The following SORBS2 variants were observed in gnomAD, a reference collection of about 807,000 sequenced individuals.
SORBS2 encodes sorbin and SH3 domain-containing protein 2.
Under a neutral mutation model 97.7 loss-of-function variants are expected in SORBS2, and 46 were observed. The observed-to-expected ratio is 0.47, with a 90% CI of 0.37 to 0.60. SORBS2 has a LOEUF of 0.60. Among genes scored for constraint, SORBS2 ranks in the 20% least tolerant of loss-of-function variants. The pLI, the probability that SORBS2 is intolerant of heterozygous loss-of-function variation, is 0.00. For synonymous variants in SORBS2, 476 were observed against 473.4 expected, an observed-to-expected ratio of 1.01 and a Z score of -0.07; for missense variants, 1,316 against 1,282.3, an observed-to-expected ratio of 1.03 and a Z score of -0.40.
At chr4:185,714,031 C>A (rs1174029500) in intron 2 of SORBS2, among the ~76,000 whole-genome samples, 1 of 152,194 alleles carries the variant, frequency 6.6e-6, no homozygotes, top group African/African-American at 2.4e-5. Flanking sequence ...CAGCTACCCA[C>A]CTATCCTTAA....
Position 185,845,857 on chromosome 4 carries a change from A to T in SORBS2, c.-337-70491T>A, listed in dbSNP as rs551009275. On this transcript the variant is annotated intron_variant, in intron 1 of 20. Coordinates refer to the SORBS2 transcript ENST00000284776. ...TAGGAAAATGCAAATGAAAACTATT[A>T]CACACCTTTCAACTGGCCAAAATAT... 4.9e-3 allele frequency among the ~76,000 whole-genome samples: 751 copies of T among 152,338 alleles called. 6 individuals are homozygous for T. Among genetic ancestry groups the T allele is most frequent in the African/African-American group, 0.017 (712 of 41,572 alleles).
chr4:185,919,363 A>T (rs1333760498), intron 1 of SORBS2: 5 of 152,184 alleles, frequency 3.3e-5, no homozygotes, highest in Non-Finnish European at 7.3e-5. Context: ...GTGCTGTGGG[A>T]TGAAACCAGG....
chr4:185,905,294 A>G (rs1185242873), intron 1 of SORBS2, among the ~76,000 whole-genome samples: 2 of 152,190 alleles, frequency 1.3e-5, no homozygotes, highest in Non-Finnish European at 2.9e-5. Context: ...AACATATACA[A>G]TACATGTAAA....
intron 1 of SORBS2, among the ~76,000 whole-genome samples, chr4:185,846,922 TA>T (rs1328155665): frequency 6.6e-6 from 1 of 152,066 alleles, no homozygotes; most frequent in Non-Finnish European, 1.5e-5. Context: ...ATTTGTCAAA[TA>T]AAAACTAGGG....
intron 1 of SORBS2, among the ~76,000 whole-genome samples, chr4:185,932,776 T>C (rs895551596): frequency 6.6e-6 from 1 of 152,230 alleles, no homozygotes; most frequent in Non-Finnish European, 1.5e-5. Flanking sequence ...TCCTTCTCTA[T>C]GACTTACCCT....
chr4:185,728,165 A>T (rs954159533), intron 2 of SORBS2, among the ~76,000 whole-genome samples: 2 of 152,066 alleles, frequency 1.3e-5, no homozygotes, highest in Non-Finnish European at 2.9e-5. Flanking sequence ...TCTCCCTTCC[A>T]TTATGGAGCC....
chr4:185,665,541 G>A (rs1403889274), intron 4 of SORBS2, among the ~76,000 whole-genome samples: 1 of 152,252 alleles, frequency 6.6e-6, no homozygotes, highest in African/African-American at 2.4e-5. Flanking sequence ...TAAAATGAAT[G>A]AAGAGAATGA....
At chr4:185,817,006 G>A (rs1009343886) in intron 1 of SORBS2, among the ~76,000 whole-genome samples, 2 of 152,196 alleles carry the variant, frequency 1.3e-5, no homozygotes, top group African/African-American at 4.8e-5. Flanking sequence ...GGTACAGGAA[G>A]AAGTTTCAGC....
Position 185,607,387 on chromosome 4 carries a change from T to C in SORBS2, c.2796+4393A>G, listed in dbSNP as rs904603722. The stretch of plus-strand genomic sequence containing the variant: ...CACGGATTATGAAGTTAAGAAAAAA[T>C]AAACTAAGAAAATAATAATAATGCA... On this transcript the variant is annotated intron_variant, in intron 12 of 14. Coordinates refer to ENST00000418609, the Ensembl canonical transcript of SORBS2. The surrounding 1 kb of genome is among the most constrained non-coding windows in gnomAD (Gnocchi z 5.2). The C allele has an allele frequency of 2.7e-6, 3 of 1,110,046 alleles. No individual in the cohort carries two copies. In the South Asian group the frequency reaches 3.9e-5, roughly 14 times the overall value. The allele number at this position is 1,110,046 out of a possible 1,614,324, so 68.8% of individuals were successfully genotyped here. A position where few individuals can be genotyped will look rare whatever the true frequency, so the allele number is the denominator to read the frequency against.
chr4:185,743,829 C>A lies in SORBS2; in HGVS notation c.-198+31398G>T, dbSNP rs570565266. Reference sequence around the variant, plus strand: ...CTCCTCCTTCTTCCTCTTCTTCTATCTTCTTTCCTCCTCCTCCTCCTTCTA... The same window carrying A: ...CTCCTCCTTCTTCCTCTTCTTCTATATTCTTTCCTCCTCCTCCTCCTTCTA... On this transcript the variant is annotated intron_variant, in intron 2 of 20. Coordinates refer to the SORBS2 transcript ENST00000284776. Among the ~76,000 whole-genome samples, 8 of 150,156 alleles carry A rather than the reference C, an allele frequency of 5.3e-5. No individual in the cohort carries two copies. The South Asian group carries it at 1.7e-3, about 32-fold the overall frequency.
chr4:185,752,511 T>C (rs1164961343), intron 2 of SORBS2, among the ~76,000 whole-genome samples: 3 of 152,178 alleles, frequency 2.0e-5, no homozygotes, highest in South Asian at 2.1e-4. Flanking sequence ...CTCCTGACCT[T>C]GTGATCTGCC....
chr4:185,653,350 T>C (rs1021733185), intron 1 of SORBS2, among the ~76,000 whole-genome samples: 9 of 152,226 alleles, frequency 5.9e-5, no homozygotes, highest in African/African-American at 1.7e-4. Context: ...CGGCTAAAAT[T>C]GTAGGTTCCT....
intron 2 of SORBS2, among the ~76,000 whole-genome samples, chr4:185,688,359 T>A (rs4359952): frequency 0.67 from 102,477 of 151,862 alleles, 34,932 homozygotes; most frequent in Admixed American, 0.77. Flanking sequence ...TAGATATATC[T>A]ATCAATAAAG....
chr4:185,709,091 C>T (rs888523033), intron 2 of SORBS2, among the ~76,000 whole-genome samples: 9 of 152,144 alleles, frequency 5.9e-5, no homozygotes, highest in African/African-American at 2.2e-4. Context: ...GATCTCTGCT[C>T]ACTGCAACCT....
At chr4:185,898,110 T>C (rs536136585) in intron 1 of SORBS2, among the ~76,000 whole-genome samples, 23 of 152,332 alleles carry the variant, frequency 1.5e-4, no homozygotes, top group Non-Finnish European at 2.9e-4. Flanking sequence ...AAAGTGACTA[T>C]AATCCAACCA....
intron 2 of SORBS2, among the ~76,000 whole-genome samples, chr4:185,717,902 G>A (rs80258371): frequency 0.011 from 1,656 of 152,238 alleles, 36 homozygotes; most frequent in African/African-American, 0.038. Context: ...ACCGAAATAC[G>A]TTACAGTAAG....
At chr4:185,644,039 G>A (rs954159774) in intron 4 of SORBS2, among the ~76,000 whole-genome samples, 10 of 152,130 alleles carry the variant, frequency 6.6e-5, no homozygotes, top group African/African-American at 7.2e-5. Flanking sequence ...CAATTGAAAC[G>A]AAGTCAGGAC....
chr4:185,898,209 G>T, intron 1 of SORBS2, among the ~76,000 whole-genome samples: 1 of 152,116 alleles, frequency 6.6e-6, no homozygotes, highest in East Asian at 1.9e-4. Flanking sequence ...AAGCTGAAAG[G>T]GCAAGATTGT....
At chr4:185,622,495 C>T (rs112552531) in intron 7 of SORBS2, among the ~76,000 whole-genome samples, 3 of 152,106 alleles carry the variant, frequency 2.0e-5, no homozygotes, top group Admixed American at 6.6e-5. Flanking sequence ...TAGAATGTGA[C>T]AAATTATTTA....
Sources: gnomAD v4.1 joint callset for allele counts (sites outside exome capture counted in the v4.1 genomes callset) on GRCh38, gnomAD v4.1.1 for gene constraint, Gnocchi (gnomAD v3.1) non-coding constraint, MANE v1.5 for transcripts, NCBI Gene and HGNC (gene_info 2026-07-23, HGNC 2026-07-21) for gene names.